MBD3: variants seen among roughly 807,000 people sequenced by gnomAD.
The protein encoded by MBD3 is methyl-CpG binding domain protein 3.
In MBD3, 13 loss-of-function variants were observed where a neutral mutation model predicts 31.2. That is an observed-to-expected ratio of 0.42 (90% CI 0.27 to 0.66). The LOEUF (loss-of-function observed/expected upper bound fraction) is 0.66, where lower values mean the gene tolerates loss of function less well. Ranked by LOEUF, MBD3 falls within the 30% of genes least tolerant of loss-of-function variation. The pLI is 0.26. For synonymous variants in MBD3, 223 were observed against 187.4 expected (o/e 1.19, Z -1.55); for missense variants, 440 against 426.5 (o/e 1.03, Z -0.28).
At position 1,581,171 on chromosome 19, in the gene MBD3, C is replaced by T. The variant is rs745670785; in HGVS notation, c.598G>A (p.Val200Met). The change falls in exon 5 of 7, where the codon GTG becomes ATG. Residue 200 changes from valine (V) to methionine (M), a missense_variant. This residue lies in a region of MBD3 where 144 missense variants were observed against 196.9 expected (regional missense o/e 0.73). Coordinates refer to ENST00000434436, the MANE Select transcript of MBD3 (RefSeq NM_001281453.2). ...AGCCATACGCCGGGGTTCTTCTCCA[C>T]GGCGGCCGAGAGCTGTCCCGTGATG... ...MPITGQLSAA[V>M]EKNPGVWLNT... 7 of 1,614,126 alleles carry T rather than the reference C, an allele frequency of 4.3e-6. No homozygotes were observed. Among genetic ancestry groups the T allele is most frequent in the East Asian group, 2.2e-5 (1 of 44,874 alleles).
Position 1,578,541 on chromosome 19 carries a change from G to T in MBD3, c.678-3C>A. The T allele has an allele frequency of 6.2e-7, 1 of 1,611,834 alleles. No homozygotes were observed. Among genetic ancestry groups the T allele is most frequent in the Non-Finnish European group, 8.5e-7 (1 of 1,179,904 alleles). On this transcript the variant is annotated splice_region_variant and splice_polypyrimidine_tract_variant and intron_variant, in intron 5 of 6. Transcript: ENST00000434436. This position sits in a 1 kb window ranked among gnomAD's most constrained non-coding sequence, Gnocchi z 6.1. ...GCTGCACCAGCTCTTCCTGCTTCCT[G>T]GGGACACATGGACCTTGCGTTACAC...
chr19:1,586,222 G>A (rs2060678666), intron 1 of MBD3: 2 of 152,258 alleles, frequency 1.3e-5, no homozygotes, highest in African/African-American at 2.4e-5. Context: ...GAGCCAGAAG[G>A]TGGAAGCAGC....
rs1917279035 is a variant in MBD3 at position 1,578,818 on chromosome 19, G to A, written c.678-280C>T. Among the ~76,000 whole-genome samples, 1 of 152,102 alleles carries A rather than the reference G, an allele frequency of 6.6e-6. No individual in the cohort carries two copies. The highest frequency in any genetic ancestry group is 2.1e-4 in the South Asian group (1 of 4,826). Reference sequence around the variant, plus strand: ...CCTGACCCTTCAGTCCCCAGACTTGGCCCTGAGCCTCCCCGGGGCTCAGCT... The same window carrying A: ...CCTGACCCTTCAGTCCCCAGACTTGACCCTGAGCCTCCCCGGGGCTCAGCT... On this transcript the variant is annotated intron_variant, in intron 5 of 6. Transcript: ENST00000434436. The surrounding 1 kb of genome is among the most constrained non-coding windows in gnomAD (Gnocchi z 6.1).
intron 5 of MBD3, among the ~76,000 whole-genome samples, chr19:1,580,263 C>T (rs760828228): frequency 3.3e-5 from 5 of 152,218 alleles, no homozygotes; most frequent in South Asian, 2.1e-4. Context: ...CCAGCCGCTC[C>T]GGATGGAACC....
chr19:1,586,585 T>C (rs575228551), intron 1 of MBD3, among the ~76,000 whole-genome samples: 3 of 152,022 alleles, frequency 2.0e-5, no homozygotes, highest in Admixed American at 2.0e-4. Context: ...CACAGCTCAC[T>C]GCAACCTTGA....
Position 1,576,291 on chromosome 19 carries a change from C to G in MBD3, c.*1873G>C, listed in dbSNP as rs931617888. ...TGAAGTCCAGGGTCCCGGGGCACAG[C>G]TCCCCTCCCTGCAGCGGCTGTGCAG... On this transcript the variant is annotated 3_prime_UTR_variant, in exon 7 of 7. Transcript: ENST00000434436. 1 of 152,202 alleles carries G rather than the reference C, an allele frequency of 6.6e-6. No individual in the cohort carries two copies. The highest frequency in any genetic ancestry group is 6.5e-5 in the Admixed American group (1 of 15,276). 9.4% of individuals were successfully genotyped at this position (152,202 alleles called of 1,614,324 possible).
chr19:1,584,633 C>CCGT lies in MBD3; in HGVS notation c.314_315insACG (p.Ala105_Ser106insArg), dbSNP rs2060668871. On this transcript the variant is annotated inframe_insertion, in exon 3 of 7. Transcript: ENST00000434436. ...TGGTCACCGGCTGCTTGAAGATGGA[C>CCGT]GCCGTCTGGCGCACGGGCAGCGCCG... 6.2e-7 allele frequency: 1 copy of CCGT among 1,613,578 alleles called. No homozygotes were observed. Among genetic ancestry groups the CCGT allele is most frequent in the Non-Finnish European group, 8.5e-7 (1 of 1,179,924 alleles).
intron 2 of MBD3, 75 bp from the exon 3 acceptor site, chr19:1,584,752 G>A (rs2060669922): frequency 6.8e-6 from 10 of 1,475,036 alleles, no homozygotes; most frequent in Non-Finnish European, 9.2e-6. Context: ...GCGGGGCCCG[G>A]GTGACCCCCT....
intron 1 of MBD3, among the ~76,000 whole-genome samples, chr19:1,586,513 T>C (rs1265436120): frequency 6.6e-6 from 1 of 152,140 alleles, no homozygotes; most frequent in African/African-American, 2.4e-5. Context: ...GGACTTCGTT[T>C]CTCTCTTTCC....
In MBD3 at chr19:1,578,394, G is replaced by T. The variant is rs769034256; in HGVS notation, c.822C>A (p.Asp274Glu). Residue 274 changes from aspartate (D) to glutamate (E), a missense_variant, in exon 6 of 7, where the codon GAC (aspartate) becomes GAA (glutamate). Physicochemically the swap from Asp to Glu is conservative, Grantham distance 45 (BLOSUM62 2). Coordinates refer to ENST00000434436, the MANE Select transcript of MBD3 (RefSeq NM_001281453.2). The surrounding 1 kb of genome is among the most constrained non-coding windows in gnomAD (Gnocchi z 6.1). ...KACAEDDDEE[D>E]EEEEEEEPDP... ...CGGGCTCCTCCTCCTCCTCCTCCTC[G>T]TCTTCCTCGTCGTCGTCCTCAGCGC... The T allele has an allele frequency of 1.2e-6, 2 of 1,603,574 alleles. No individual in the cohort carries two copies.
intron 1 of MBD3, chr19:1,591,872 C>T (rs529397392): frequency 6.6e-6 from 1 of 152,268 alleles, no homozygotes; most frequent in Admixed American, 6.5e-5. Context: ...CAGTAACATC[C>T]ACGCAAAGAC....
intron 1 of MBD3, among the ~76,000 whole-genome samples, chr19:1,590,376 C>T (rs2060698099): frequency 6.6e-6 from 1 of 152,156 alleles, no homozygotes; most frequent in Non-Finnish European, 1.5e-5. Context: ...AATCCCAGCA[C>T]TTTGGGAGGC....
Position 1,592,506 on chromosome 19 carries a change from C to A in MBD3, c.110+16G>T. On this transcript the variant is annotated intron_variant, in intron 1 of 6. Transcript: ENST00000434436. ...GGAGCCCGTTGAGGCCCTGCGCGGC[C>A]GGCGCGCTCATTCACCTATAGTAAA... 7.3e-7 allele frequency: 1 copy of A among 1,363,864 alleles called. No homozygotes were observed. The highest frequency in any genetic ancestry group is 9.8e-7 in the Non-Finnish European group (1 of 1,024,380). The allele number at this position is 1,363,864 out of a possible 1,614,324, so 84.5% of individuals were successfully genotyped here.
rs1915031706 is a variant in MBD3, at chr19:1,573,899, G to A, written c.*4265C>T. 1 of 152,238 alleles carries A rather than the reference G, an allele frequency of 6.6e-6. No homozygotes were observed. The highest frequency in any genetic ancestry group is 6.5e-5 in the Admixed American group (1 of 15,282). The allele number at this position is 152,238 out of a possible 1,614,324, so 9.4% of individuals were successfully genotyped here. A position where few individuals can be genotyped will look rare whatever the true frequency, so the allele number is the denominator to read the frequency against. ...CGCCCGTAATCTCAGCTACTCAGCA[G>A]GCTGAGGCTGGAGAATCTATTGAAC... On this transcript the variant is annotated 3_prime_UTR_variant, in exon 7 of 7. Transcript: ENST00000434436.
Position 1,585,290 on chromosome 19 carries a change from C to G in MBD3, c.111-76G>C, listed in dbSNP as rs2060673984. On this transcript the variant is annotated intron_variant, in intron 1 of 6. Transcript: ENST00000434436. The surrounding 1 kb of genome is among the most constrained non-coding windows in gnomAD (Gnocchi z 4.1). ...CCCAGGCCTCGGCCGCAGACCCAAACCCAGTCCCAGCCCCAGCTTCAGGTC... is the reference window on the plus strand; with the variant it reads ...CCCAGGCCTCGGCCGCAGACCCAAAGCCAGTCCCAGCCCCAGCTTCAGGTC... The G allele has an allele frequency of 6.7e-7, 1 of 1,486,108 alleles. No individual in the cohort carries two copies. The highest frequency in any genetic ancestry group is 9.0e-7 in the Non-Finnish European group (1 of 1,107,758). 92.1% of individuals were successfully genotyped at this position (1,486,108 alleles called of 1,614,324 possible).
At chr19:1,584,418 A>C in intron 3 of MBD3, 122 bp downstream of exon 3, 1 of 1,439,942 alleles carries the variant, frequency 6.9e-7, no homozygotes, top group African/African-American at 1.4e-5. Context: ...CATGTTGCCC[A>C]GGCTAGCCTG....
intron 3 of MBD3, 40 bp from the exon 4 acceptor site, chr19:1,582,752 C>T (rs189862008): frequency 4.2e-4 from 663 of 1,570,592 alleles, no homozygotes; most frequent in Non-Finnish European, 5.6e-4. Context: ...AGTGGCCCTG[C>T]CCTCTCCCCA....
rs1260767983 is a variant in MBD3, at chr19:1,574,902, G to T, written c.*3262C>A. ...CCCTGTCTGCCTGGGTCTGGGGGCT[G>T]CAGGGACAGCAAGGCACGGGCCCTG... On this transcript the variant is annotated 3_prime_UTR_variant, in exon 7 of 7. Transcript: ENST00000434436. The T allele has an allele frequency of 6.9e-6, 2 of 287,820 alleles. No homozygotes were observed. Among genetic ancestry groups the T allele is most frequent in the Non-Finnish European group, 1.4e-5 (2 of 142,880 alleles). The allele number at this position is 287,820 out of a possible 1,614,324, so 17.8% of individuals were successfully genotyped here. A position where few individuals can be genotyped will look rare whatever the true frequency, so the allele number is the denominator to read the frequency against.
In MBD3 at chr19:1,584,527, G is replaced by A; in HGVS notation, c.408+13C>T. ...CGGCCGGGAAGGCTGGGGTCGCTGTGCGTTGAGCTCACCTGGCGCGGCTGG... is the reference window on the plus strand; with the variant it reads ...CGGCCGGGAAGGCTGGGGTCGCTGTACGTTGAGCTCACCTGGCGCGGCTGG... On this transcript the variant is annotated intron_variant, in intron 3 of 6. Coordinates refer to ENST00000434436, the MANE Select transcript of MBD3 (RefSeq NM_001281453.2). 3 of 1,612,574 alleles carry A rather than the reference G, an allele frequency of 1.9e-6. No homozygotes were observed. The highest frequency in any genetic ancestry group is 2.5e-6 in the Non-Finnish European group (3 of 1,179,788).
Sources: gnomAD v4.1 joint callset for allele counts (sites outside exome capture counted in the v4.1 genomes callset) on GRCh38, gnomAD v4.1.1 for gene constraint, gnomAD v4.1.1 regional missense constraint, Gnocchi (gnomAD v3.1) non-coding constraint, MANE v1.5 for transcripts, NCBI Gene and HGNC (gene_info 2026-07-23, HGNC 2026-07-21) for gene names.